The following LUM variants were observed in gnomAD, a reference collection of about 807,000 sequenced individuals.
LUM encodes lumican, also known as KSPG lumican.
Under a neutral mutation model 20.5 loss-of-function variants are expected in LUM, and 13 were observed. The observed-to-expected ratio is 0.63, with a 90% CI of 0.41 to 1.01. The LOEUF is 1.01. Among genes scored for constraint, LUM ranks in the 50% least tolerant of loss-of-function variants. The pLI is 0.00. For missense variants in LUM, 321 were observed against 391.1 expected (o/e 0.82, Z 1.51); for synonymous variants, 173 against 151.5 (o/e 1.14, Z -1.04).
rs2121051264 is a variant in LUM, at chr12:91,108,053, G to A, written c.862+65C>T. The A allele has an allele frequency of 6.5e-7, 1 of 1,544,864 alleles. No homozygotes were observed. The highest frequency in any genetic ancestry group is 8.9e-7 in the Non-Finnish European group (1 of 1,117,744). On this transcript the variant is annotated intron_variant, in intron 2 of 2. Coordinates refer to ENST00000266718, the MANE Select transcript of LUM (RefSeq NM_002345.4). This position sits in a 1 kb window ranked among gnomAD's most constrained non-coding sequence, Gnocchi z 4.2. ...TAATGGAGCCAGATGCAATATCTGT[G>A]TTGTGCAGCCCAGGTATTTAAACAC...
In LUM at chr12:91,103,964, G is replaced by A; in HGVS notation, c.*201C>T. 2.3e-6 allele frequency: 1 copy of A among 430,048 alleles called. No individual in the cohort carries two copies. The highest frequency in any genetic ancestry group is 4.1e-6 in the Non-Finnish European group (1 of 243,522). The allele number at this position is 430,048 out of a possible 1,614,324, so 26.6% of individuals were successfully genotyped here. On this transcript the variant is annotated 3_prime_UTR_variant, in exon 3 of 3. Coordinates refer to ENST00000266718, the MANE Select transcript of LUM (RefSeq NM_002345.4). ...TTACAAATAAAGCATTGAGTTTGAT[G>A]TCTATTCGTGTATATGTGTGTGTTC... is the stretch of plus-strand genomic sequence containing the variant.
Position 91,103,933 on chromosome 12 carries a change from C to A in LUM, c.*232G>T. The stretch of plus-strand genomic sequence containing the variant: ...ATTTGACAGTAGAAATAAAAAAACA[C>A]TAAATTTACAAATAAAGCATTGAGT... On this transcript the variant is annotated 3_prime_UTR_variant, in exon 3 of 3. Transcript: ENST00000266718. 2.8e-6 allele frequency: 1 copy of A among 362,026 alleles called. No individual in the cohort carries two copies. Among genetic ancestry groups the A allele is most frequent in the Non-Finnish European group, 5.0e-6 (1 of 201,168 alleles). The allele number at this position is 362,026 out of a possible 1,614,324, so 22.4% of individuals were successfully genotyped here. A position where few individuals can be genotyped will look rare whatever the true frequency, so the allele number is the denominator to read the frequency against.
chr12:91,110,969 G>A (rs183512340), intron 1 of LUM, among the ~76,000 whole-genome samples: 85 of 152,202 alleles, frequency 5.6e-4, no homozygotes, highest in East Asian at 3.3e-3. Context: ...AACATAGAAC[G>A]TTTATTGTAA....
At chr12:91,106,244 T>G (rs1880030261) in intron 2 of LUM, among the ~76,000 whole-genome samples, 1 of 152,224 alleles carries the variant, frequency 6.6e-6, no homozygotes, top group African/African-American at 2.4e-5. Flanking sequence ...AAATATATTG[T>G]AATATTTTCT....
In LUM at chr12:91,108,277, G is replaced by A. The variant is rs1880124736; in HGVS notation, c.703C>T (p.Arg235Cys). 5.0e-6 allele frequency: 8 copies of A among 1,614,094 alleles called. No individual in the cohort carries two copies. The highest frequency in any genetic ancestry group is 1.7e-4 in the Middle Eastern group (1 of 6,060). The change falls in exon 2 of 3, where the codon CGT (arginine) becomes TGT (cysteine). Residue 235 changes from arginine (R) to cysteine (C), a missense_variant. Physicochemically the swap from Arg to Cys is radical, Grantham distance 180 (BLOSUM62 -3). Transcript: ENST00000266718. This position sits in a 1 kb window ranked among gnomAD's most constrained non-coding sequence, Gnocchi z 4.2. ...TCAGCCAGTTCGTTGTGAGATAAAC[G>A]CAGATACTGCAATGCATTAAAACGC... Reference protein sequence around the residue: ...FKRFNALQYLRLSHNELADSG... With the variant: ...FKRFNALQYLCLSHNELADSG...
At chr12:91,107,324 A>AGG (rs35462179) in intron 2 of LUM, among the ~76,000 whole-genome samples, 1 of 141,230 alleles carries the variant, frequency 7.1e-6, no homozygotes, top group African/African-American at 2.6e-5. Flanking sequence ...AAAGAAAGAA[A>AGG]GAAAGAAAGA....
At chr12:91,109,294 T>C (rs1455631017) in intron 1 of LUM, among the ~76,000 whole-genome samples, 2 of 152,096 alleles carry the variant, frequency 1.3e-5, no homozygotes, top group African/African-American at 4.8e-5. Context: ...ATGAAATGCC[T>C]TCCTGTAAGA....
Position 91,108,446 on chromosome 12 carries a change from A to C in LUM, c.534T>G (p.Ala178=), listed in dbSNP as rs1880127975. Residue 178 remains alanine (A), a synonymous_variant, in exon 2 of 3, where the codon GCT becomes GCG. Coordinates refer to ENST00000266718, the MANE Select transcript of LUM (RefSeq NM_002345.4). This position sits in a 1 kb window ranked among gnomAD's most constrained non-coding sequence, Gnocchi z 4.2. ...CGAGTGATTTAAGACCTTTAAAAGC[A>C]GCTGAAACAGCATCCTCTTTCAGCC... ...HNRLKEDAVS[A]AFKGLKSLEY... is the part of the protein sequence containing the mutation. 3.1e-6 allele frequency: 5 copies of C among 1,614,146 alleles called. No individual in the cohort carries two copies. In the East Asian group the frequency reaches 1.1e-4, roughly 36 times the overall value.
rs1880122651 is a variant in LUM, at chr12:91,108,134, C to T, written c.846G>A (p.Glu282=). ...TTTACTTACTCTCAAGTTGATTGAC[C>T]TCCAGGTAATAGTTTTCAAGGTTTT... ...VNENLENYYL[E]VNQLEKFDIK... Residue 282 remains glutamate (E), a synonymous_variant, in exon 2 of 3, where the codon GAG becomes GAA. Transcript: ENST00000266718. This position sits in a 1 kb window ranked among gnomAD's most constrained non-coding sequence, Gnocchi z 4.2. 6.2e-7 allele frequency: 1 copy of T among 1,613,884 alleles called. No homozygotes were observed. Among genetic ancestry groups the T allele is most frequent in the African/African-American group, 1.3e-5 (1 of 74,874 alleles).
chr12:91,110,315 C>T (rs1169045968), intron 1 of LUM, among the ~76,000 whole-genome samples: 1 of 152,120 alleles, frequency 6.6e-6, no homozygotes, highest in Non-Finnish European at 1.5e-5. Context: ...AAACTGAAAA[C>T]GTCTTTTATT....
Position 91,108,694 on chromosome 12 carries a change from T to C in LUM, c.286A>G (p.Ile96Val). The C allele has an allele frequency of 6.2e-7, 1 of 1,614,054 alleles. No homozygotes were observed. The highest frequency in any genetic ancestry group is 8.5e-7 in the Non-Finnish European group (1 of 1,179,944). ...TTTTCTAGAAGGTTGTGATCTAGAA[T>C]GAGCCACTGCAGATCAGTTACATTC... is the stretch of plus-strand genomic sequence containing the variant. ...FENVTDLQWL[I>V]LDHNLLENSK... The change falls in exon 2 of 3, where the codon ATT (isoleucine) becomes GTT (valine). Residue 96 changes from isoleucine to valine, a missense_variant. Ile to Val is a conservative substitution (Grantham distance 29). Coordinates refer to ENST00000266718, the MANE Select transcript of LUM (RefSeq NM_002345.4). This position sits in a 1 kb window ranked among gnomAD's most constrained non-coding sequence, Gnocchi z 4.2.
chr12:91,108,312 T>A lies in LUM; in HGVS notation c.668A>T (p.Glu223Val), dbSNP rs748312313. Reference sequence around the variant, plus strand: ...CAATGCATTAAAACGCTTGAAATACTCATCAGGGATGTTGCTGATCTTATT... The same window carrying A: ...CAATGCATTAAAACGCTTGAAATACACATCAGGGATGTTGCTGATCTTATT... ...DNNKISNIPDEYFKRFNALQY... is the reference protein window; with the variant it reads ...DNNKISNIPDVYFKRFNALQY... The change falls in exon 2 of 3, where the codon GAG becomes GTG. Residue 223 changes from glutamate (E) to valine (V), a missense_variant. Glu to Val is a moderately radical substitution (Grantham distance 121). Coordinates refer to ENST00000266718, the MANE Select transcript of LUM (RefSeq NM_002345.4). The surrounding 1 kb of genome is among the most constrained non-coding windows in gnomAD (Gnocchi z 4.2). 6.2e-7 allele frequency: 1 copy of A among 1,614,140 alleles called. No individual in the cohort carries two copies. Among genetic ancestry groups the A allele is most frequent in the South Asian group, 1.1e-5 (1 of 91,080 alleles).
At position 91,108,426 on chromosome 12, in the gene LUM, G is replaced by C; in HGVS notation, c.554C>G (p.Ser185Ter). 1 of 1,614,090 alleles carries C rather than the reference G, an allele frequency of 6.2e-7. No homozygotes were observed. The highest frequency in any genetic ancestry group is 8.5e-7 in the Non-Finnish European group (1 of 1,179,996). Residue 185 changes from serine (S) to a stop codon, truncating the protein, a stop_gained, in exon 2 of 3, where the codon TCA becomes TGA. Coordinates refer to ENST00000266718, the MANE Select transcript of LUM (RefSeq NM_002345.4). LOFTEE classifies it high-confidence loss of function. The surrounding 1 kb of genome is among the most constrained non-coding windows in gnomAD (Gnocchi z 4.2). ...GAAGCTCAAGTCAAGGTATTCGAGT[G>C]ATTTAAGACCTTTAAAAGCAGCTGA... ...AVSAAFKGLK[S>*]LEYLDLSFNQ...
intron 2 of LUM, among the ~76,000 whole-genome samples, chr12:91,104,565 A>T (rs997136810): frequency 2.0e-5 from 3 of 152,160 alleles, no homozygotes; most frequent in African/African-American, 7.2e-5. Context: ...TAAATAACAG[A>T]ACTTATTTTA....
In LUM at chr12:91,108,796, G is replaced by T; in HGVS notation, c.184C>A (p.Pro62Thr). Residue 62 changes from proline (P) to threonine (T), a missense_variant, in exon 2 of 3, where the codon CCA (proline) becomes ACA (threonine). Pro to Thr is a conservative substitution (Grantham distance 38). Coordinates refer to ENST00000266718, the MANE Select transcript of LUM (RefSeq NM_002345.4). This position sits in a 1 kb window ranked among gnomAD's most constrained non-coding sequence, Gnocchi z 4.2. Reference sequence around the variant, plus strand: ...TACTTGATTCCAGGAGGCACCATTGGTACACTTTTCAATTTCAGCTCATCA... The same window carrying T: ...TACTTGATTCCAGGAGGCACCATTGTTACACTTTTCAATTTCAGCTCATCA... ...YCDELKLKSV[P>T]MVPPGIKYLY... 1 of 1,613,984 alleles carries T rather than the reference G, an allele frequency of 6.2e-7. No homozygotes were observed.
At chr12:91,106,662 A>G in intron 2 of LUM, among the ~76,000 whole-genome samples, 1 of 148,792 alleles carries the variant, frequency 6.7e-6, no homozygotes, top group Non-Finnish European at 1.5e-5. Context: ...CCCAAGAAAA[A>G]AAAAGCTCTG....
intron 2 of LUM, among the ~76,000 whole-genome samples, chr12:91,107,124 C>T (rs150440653): frequency 0.011 from 1,440 of 131,926 alleles, 23 homozygotes; most frequent in African/African-American, 0.04. Flanking sequence ...CCAGTCTGGG[C>T]GACAGAGTGA....
In LUM at chr12:91,108,013, G is replaced by C; in HGVS notation, c.862+105C>G. ...CAGGAATGAGCCACAGCGCCCGGGCGACATTTTGTTTTTTTAATGGAGCCA... is the reference window on the plus strand; with the variant it reads ...CAGGAATGAGCCACAGCGCCCGGGCCACATTTTGTTTTTTTAATGGAGCCA... On this transcript the variant is annotated intron_variant, in intron 2 of 2. Transcript: ENST00000266718. The surrounding 1 kb of genome is among the most constrained non-coding windows in gnomAD (Gnocchi z 4.2). 2 of 1,327,722 alleles carry C rather than the reference G, an allele frequency of 1.5e-6. No individual in the cohort carries two copies. Among genetic ancestry groups the C allele is most frequent in the Non-Finnish European group, 2.2e-6 (2 of 923,014 alleles). The allele number at this position is 1,327,722 out of a possible 1,614,324, so 82.2% of individuals were successfully genotyped here.
chr12:91,106,101 C>T (rs1051138196), intron 2 of LUM, among the ~76,000 whole-genome samples: 1 of 152,178 alleles, frequency 6.6e-6, no homozygotes, highest in African/African-American at 2.4e-5. Context: ...CAACCCTTAC[C>T]TTGGCTGCTT....
Sources: gnomAD v4.1 joint callset for allele counts (sites outside exome capture counted in the v4.1 genomes callset) on GRCh38, gnomAD v4.1.1 for gene constraint, Gnocchi (gnomAD v3.1) non-coding constraint, MANE v1.5 for transcripts, NCBI Gene and HGNC (gene_info 2026-07-23, HGNC 2026-07-21) for gene names.